LSAMP: variants seen among roughly 807,000 people sequenced by gnomAD.
The protein encoded by LSAMP is limbic system-associated membrane protein.
A neutral mutation model predicts 38.6 loss-of-function variants in LSAMP; 7 were observed. The ratio of observed to expected loss-of-function variants is 0.18; its 90% confidence interval spans 0.10 to 0.34. The LOEUF is 0.34. LSAMP is among the 10% of genes least tolerant of loss of function. The pLI is 1.00. For missense variants in LSAMP, 313 were observed against 420.0 expected (o/e 0.75, Z 2.23); for synonymous variants, 154 against 166.8 (o/e 0.92, Z 0.59).
chr3:116,336,171 T>C (rs781354396), intron 1 of LSAMP, among the ~76,000 whole-genome samples: 9 of 151,866 alleles, frequency 5.9e-5, no homozygotes, highest in African/African-American at 1.2e-4. Flanking sequence ...GCAAAAAACA[T>C]AGGACAAAAA....
Position 116,108,098 on chromosome 3 carries a change from T to A in LSAMP, c.156-21542A>T, listed in dbSNP as rs191933184. On this transcript the variant is annotated intron_variant, in intron 1 of 6. Coordinates refer to ENST00000490035, the MANE Select transcript of LSAMP (RefSeq NM_002338.5). ...CGGGGTAAGGGTGATTAGGTTTTAA[T>A]GAGATGGTAAGGGGTGCATGATCGG... Among the ~76,000 whole-genome samples, 1,316 of 152,082 alleles carry A rather than the reference T, an allele frequency of 8.7e-3. 19 individuals are homozygous for A. Among genetic ancestry groups the A allele is most frequent in the African/African-American group, 0.028 (1,173 of 41,454 alleles).
In LSAMP at chr3:115,841,977, C is replaced by G. The variant is rs1351171435; in HGVS notation, c.787G>C (p.Gly263Arg). Reference sequence around the variant, plus strand: ...CCCTCCGTGCTCTTAATCTCAAGGCCATTGGCACTATTTATCCTAAGAGTT... The same window carrying G: ...CCCTCCGTGCTCTTAATCTCAAGGCGATTGGCACTATTTATCCTAAGAGTT... ...RDDTRINSAN[G>R]LEIKSTEGQS... The change falls in exon 6 of 7, where the codon GGC (glycine) becomes CGC (arginine). Residue 263 changes from glycine (G) to arginine (R), a missense_variant. By Grantham distance (125) the Gly-to-Arg change is moderately radical (BLOSUM62 -2). Coordinates refer to ENST00000490035, the MANE Select transcript of LSAMP (RefSeq NM_002338.5). 1 of 1,612,598 alleles carries G rather than the reference C, an allele frequency of 6.2e-7. No homozygotes were observed.
At chr3:115,992,305 G>T (rs970809607) in intron 3 of LSAMP, among the ~76,000 whole-genome samples, 3 of 151,970 alleles carry the variant, frequency 2.0e-5, no homozygotes, top group Admixed American at 6.6e-5. Context: ...GAGGGCCAGA[G>T]GAGGGTAAGG....
rs1266294703 is a variant in LSAMP at position 115,807,898 on chromosome 3, A to G, written c.*2419T>C. On this transcript the variant is annotated 3_prime_UTR_variant, in exon 7 of 7. Transcript: ENST00000490035. ...GAGAATTTGTTTTCTCTCCTATGTC[A>G]GAATCTGCTATAAACACTCTTAACC... is the stretch of plus-strand genomic sequence containing the variant. 1 of 152,118 alleles carries G rather than the reference A, an allele frequency of 6.6e-6. No homozygotes were observed. The highest frequency in any genetic ancestry group is 1.9e-4 in the East Asian group (1 of 5,190). The allele number at this position is 152,118 out of a possible 1,614,324, so 9.4% of individuals were successfully genotyped here. A position where few individuals can be genotyped will look rare whatever the true frequency, so the allele number is the denominator to read the frequency against.
intron 3 of LSAMP, among the ~76,000 whole-genome samples, chr3:115,947,531 T>G (rs539401637): frequency 6.6e-6 from 1 of 152,320 alleles, no homozygotes; most frequent in East Asian, 1.9e-4. Context: ...GAAGTGATAC[T>G]GACCACAAGA....
intron 1 of LSAMP, among the ~76,000 whole-genome samples, chr3:116,306,889 G>A (rs183643693): frequency 3.3e-5 from 5 of 152,020 alleles, no homozygotes; most frequent in Admixed American, 1.3e-4. Flanking sequence ...CCCAAGAGTC[G>A]TCTGAGGCCC....
intron 1 of LSAMP, among the ~76,000 whole-genome samples, chr3:116,422,070 C>G (rs1021827391): frequency 6.6e-6 from 1 of 152,174 alleles, no homozygotes; most frequent in African/African-American, 2.4e-5. Context: ...TATGGCATAT[C>G]TACACAATGG....
At chr3:116,406,914 G>A (rs2048905039) in intron 1 of LSAMP, among the ~76,000 whole-genome samples, 1 of 151,334 alleles carries the variant, frequency 6.6e-6, no homozygotes, top group Admixed American at 6.6e-5. Flanking sequence ...CGCAAAGGAA[G>A]AAATTATGGC....
chr3:115,982,318 C>T (rs1052004984), intron 3 of LSAMP, among the ~76,000 whole-genome samples: 5 of 152,284 alleles, frequency 3.3e-5, no homozygotes, highest in Admixed American at 6.5e-5. Context: ...GCATGACTCC[C>T]GTTCCAGAGA....
intron 3 of LSAMP, among the ~76,000 whole-genome samples, chr3:115,858,156 TC>T: frequency 6.8e-6 from 1 of 147,946 alleles, no homozygotes; most frequent in African/African-American, 2.5e-5. Flanking sequence ...TCTCTCTCTC[TC>T]TCTCTCTCAC....
At chr3:115,941,771 A>C (rs2107560554) in intron 3 of LSAMP, among the ~76,000 whole-genome samples, 1 of 152,292 alleles carries the variant, frequency 6.6e-6, no homozygotes, top group South Asian at 2.1e-4. Flanking sequence ...AACAGAATAG[A>C]ATGGTGGTTG....
At chr3:116,236,951 C>CATATAT (rs10632740) in intron 1 of LSAMP, among the ~76,000 whole-genome samples, 31 of 148,922 alleles carry the variant, frequency 2.1e-4, no homozygotes, top group African/African-American at 6.6e-4. Flanking sequence ...CAACATAAGC[C>CATATAT]ATATATATAT....
chr3:115,986,374 T>G (rs1385788776), intron 3 of LSAMP, among the ~76,000 whole-genome samples: 1 of 152,114 alleles, frequency 6.6e-6, no homozygotes, highest in Non-Finnish European at 1.5e-5. Flanking sequence ...AGCAAATAGA[T>G]TAGAAGCCTA....
At chr3:116,254,748 T>C (rs11716672) in intron 1 of LSAMP, among the ~76,000 whole-genome samples, 150,224 of 152,246 alleles carry the variant, frequency 0.99, 74,158 homozygotes, top group Middle Eastern at 1. Context: ...TTTTGGAAGA[T>C]GCACCAATGG....
At chr3:116,026,558 G>A (rs569098415) in intron 2 of LSAMP, among the ~76,000 whole-genome samples, 2 of 152,232 alleles carry the variant, frequency 1.3e-5, no homozygotes, top group Admixed American at 6.5e-5. Context: ...ACAGCTATTG[G>A]TTTGTTGGGA....
Position 115,804,108 on chromosome 3 carries a change from A to G in LSAMP, c.*6209T>C, listed in dbSNP as rs1933576995. 1 of 152,164 alleles carries G rather than the reference A, an allele frequency of 6.6e-6. No homozygotes were observed. The highest frequency in any genetic ancestry group is 2.4e-5 in the African/African-American group (1 of 41,448). 9.4% of individuals were successfully genotyped at this position (152,164 alleles called of 1,614,324 possible). On this transcript the variant is annotated 3_prime_UTR_variant, in exon 7 of 7. Transcript: ENST00000490035. ...TTCTCTACACTGCTATAAAGTTTTG[A>G]TCAGAAAAAATTTACAGACCCAGTC... is the stretch of plus-strand genomic sequence containing the variant.
chr3:116,438,068 A>G (rs2049380538), intron 1 of LSAMP, among the ~76,000 whole-genome samples: 2 of 151,546 alleles, frequency 1.3e-5, no homozygotes, highest in Non-Finnish European at 2.9e-5. Context: ...TACAAAAAAA[A>G]AAAAAAAAAG....
In LSAMP at chr3:115,854,285, T is replaced by TTATTA. The variant is rs1553740776; in HGVS notation, c.515-1669_515-1668insTAATA. ...TATTATTATTATTATTATTATTATT[T>TTATTA]TTTTTTTTTTTTTTTGAGATGGAGT... On this transcript the variant is annotated intron_variant, in intron 3 of 6. Transcript: ENST00000490035. Among the ~76,000 whole-genome samples, 852 of 91,866 alleles carry TTATTA rather than the reference T, an allele frequency of 9.3e-3. 2 individuals are homozygous for TTATTA. The highest frequency in any genetic ancestry group is 0.023 in the South Asian group (70 of 3,012). The allele number at this position is 91,866 out of a possible 152,430, so 60.3% of individuals were successfully genotyped here. A position where few individuals can be genotyped will look rare whatever the true frequency, so the allele number is the denominator to read the frequency against.
chr3:116,126,501 G>A (rs34787144), intron 1 of LSAMP, among the ~76,000 whole-genome samples: 6,881 of 152,280 alleles, frequency 0.045, 205 homozygotes, highest in Non-Finnish European at 0.067. Flanking sequence ...TATGTCCACA[G>A]TCAGAGCACT....
Sources: allele counts gnomAD v4.1 joint callset (sites outside exome capture counted in the v4.1 genomes callset), GRCh38; gene constraint gnomAD v4.1.1; transcripts MANE v1.5; gene names NCBI Gene and HGNC (gene_info 2026-07-23, HGNC 2026-07-21).